Variants in PRKCA observed in about 807,000 individuals in gnomAD.
PRKCA encodes the protein protein kinase C alpha.
In PRKCA, 27 loss-of-function variants were observed where a neutral mutation model predicts 87.0. The ratio of observed to expected loss-of-function variants is 0.31; its 90% CI spans 0.23 to 0.43. PRKCA has a LOEUF of 0.43. Among genes scored for constraint, PRKCA ranks in the 20% least tolerant of loss-of-function variants. PRKCA has a pLI of 1.00. For missense variants in PRKCA, 518 were observed against 852.3 expected, an observed-to-expected ratio of 0.61 and a Z score of 4.88; for synonymous variants, 329 against 311.1, an observed-to-expected ratio of 1.06 and a Z score of -0.61.
chr17:66,734,152 C>G (rs774155153), intron 9 of PRKCA, among the ~76,000 whole-genome samples: 6 of 152,300 alleles, frequency 3.9e-5, no homozygotes, highest in Non-Finnish European at 7.4e-5. Flanking sequence ...GAAAGGGGTC[C>G]TGATCCAGAC....
At chr17:66,536,415 T>C (rs946524123) in intron 3 of PRKCA, among the ~76,000 whole-genome samples, 3 of 152,176 alleles carry the variant, frequency 2.0e-5, no homozygotes, top group African/African-American at 7.2e-5. Context: ...AAAACCCACA[T>C]GGAAAGGCTT....
intron 2 of PRKCA, among the ~76,000 whole-genome samples, chr17:66,393,520 C>T (rs1183820769): frequency 2.6e-5 from 4 of 152,170 alleles, no homozygotes; most frequent in African/African-American, 4.8e-5. Flanking sequence ...GATGGGACGG[C>T]CTGTCGTTTC....
intron 2 of PRKCA, among the ~76,000 whole-genome samples, chr17:66,310,807 C>T (rs1036066860): frequency 3.3e-5 from 5 of 152,142 alleles, no homozygotes; most frequent in Admixed American, 1.3e-4. Flanking sequence ...AAAAGGGATG[C>T]GCCGTTGTCC....
intron 3 of PRKCA, among the ~76,000 whole-genome samples, chr17:66,564,161 C>G (rs1179335901): frequency 6.6e-6 from 1 of 152,054 alleles, no homozygotes; most frequent in Non-Finnish European, 1.5e-5. Context: ...TCTGTGCAGG[C>G]TCTGCCTCCC....
chr17:66,446,269 A>T (rs1003104341), intron 2 of PRKCA, among the ~76,000 whole-genome samples: 1 of 152,042 alleles, frequency 6.6e-6, no homozygotes, highest in African/African-American at 2.4e-5. Flanking sequence ...TCACACATTC[A>T]CACTCACACT....
intron 3 of PRKCA, among the ~76,000 whole-genome samples, chr17:66,521,769 C>T (rs151089527): frequency 6.6e-6 from 1 of 152,110 alleles, no homozygotes; most frequent in African/African-American, 2.4e-5. Flanking sequence ...ATAAATGCCT[C>T]TTGGGTTTAT....
chr17:66,406,222 G>T lies in PRKCA; in HGVS notation c.206-89979G>T, dbSNP rs537019653. Among the ~76,000 whole-genome samples, 3 of 152,210 alleles carry T rather than the reference G, an allele frequency of 2.0e-5. No homozygotes were observed. In the South Asian group the frequency reaches 6.2e-4, roughly 32 times the overall value. On this transcript the variant is annotated intron_variant, in intron 2 of 16. Transcript: ENST00000413366. ...TGATTTCTTGCTCATTTTAATTACA[G>T]GTCTCCCATTAAAGAACGGGGTGGG...
intron 2 of PRKCA, among the ~76,000 whole-genome samples, chr17:66,440,766 C>T (rs911306400): frequency 3.3e-5 from 5 of 151,988 alleles, no homozygotes; most frequent in Admixed American, 6.6e-5. Context: ...TGACTCAGGC[C>T]GGGAACCCCA....
At chr17:66,338,459 G>A (rs1226657724) in intron 2 of PRKCA, among the ~76,000 whole-genome samples, 4 of 152,014 alleles carry the variant, frequency 2.6e-5, no homozygotes, top group South Asian at 2.1e-4. Flanking sequence ...AGGCTGGCAC[G>A]GGGAACATCT....
intron 2 of PRKCA, among the ~76,000 whole-genome samples, chr17:66,394,666 A>C (rs757220698): frequency 2.0e-5 from 3 of 152,150 alleles, no homozygotes; most frequent in Non-Finnish European, 4.4e-5. Context: ...CTCATCTTGA[A>C]TTGTAATCCC....
intron 13 of PRKCA, among the ~76,000 whole-genome samples, chr17:66,755,039 T>C (rs1225907151): frequency 6.6e-6 from 1 of 152,146 alleles, no homozygotes; most frequent in African/African-American, 2.4e-5. Context: ...GATAATGTTT[T>C]TCTAGACCCA....
At chr17:66,759,180 C>T (rs1045714868) in intron 13 of PRKCA, among the ~76,000 whole-genome samples, 2 of 151,598 alleles carry the variant, frequency 1.3e-5, no homozygotes, top group Non-Finnish European at 2.9e-5. Flanking sequence ...AGGTGAAACC[C>T]CATCTCTAAT....
At chr17:66,769,348 A>G (rs1177046580) in intron 13 of PRKCA, among the ~76,000 whole-genome samples, 3 of 146,422 alleles carry the variant, frequency 2.0e-5, no homozygotes, top group East Asian at 2.0e-4. Flanking sequence ...AGAGCAAGAC[A>G]CTGTCTCAAA....
chr17:66,390,847 C>T (rs1910320117), intron 2 of PRKCA, among the ~76,000 whole-genome samples: 1 of 152,164 alleles, frequency 6.6e-6, no homozygotes, highest in South Asian at 2.1e-4. Flanking sequence ...AGAGGGAGGG[C>T]GGTGCAGACT....
At chr17:66,558,219 A>G (rs1860984) in intron 3 of PRKCA, among the ~76,000 whole-genome samples, 14,335 of 152,324 alleles carry the variant, frequency 0.094, 881 homozygotes, top group African/African-American at 0.17. Context: ...GCTACGTGCT[A>G]GGTACTGTGC....
chr17:66,343,101 A>AT (rs527607622), intron 2 of PRKCA, among the ~76,000 whole-genome samples: 3,839 of 148,004 alleles, frequency 0.026, 168 homozygotes, highest in African/African-American at 0.087. Context: ...AACCTGAATA[A>AT]TTTTTTTTTT....
Position 66,702,576 on chromosome 17 carries a change from CCACA to C in PRKCA, c.918+13538_918+13541del, listed in dbSNP as rs762777777. Among the ~76,000 whole-genome samples the C allele has an allele frequency of 1.3e-4, 20 of 151,948 alleles. No individual in the cohort carries two copies. In the East Asian group the frequency reaches 2.1e-3, roughly 16 times the overall value. On this transcript the variant is annotated intron_variant, in intron 8 of 16. Coordinates refer to ENST00000413366, the MANE Select transcript of PRKCA (RefSeq NM_002737.3). ...GCTGAGTAGATCTTAAAGATTCTCA[CCACA>C]CACACACAATGGTAACTGTAAAGTG... is the stretch of plus-strand genomic sequence containing the variant.
intron 2 of PRKCA, among the ~76,000 whole-genome samples, chr17:66,419,006 A>C (rs1912341128): frequency 6.7e-6 from 1 of 149,824 alleles, no homozygotes; most frequent in Non-Finnish European, 1.5e-5. Flanking sequence ...GTGATCGCCC[A>C]CCTCAGCCTC....
At chr17:66,368,362 ATG>A (rs1458207315) in intron 2 of PRKCA, among the ~76,000 whole-genome samples, 10 of 40,110 alleles carry the variant, frequency 2.5e-4, no homozygotes, top group African/African-American at 7.0e-4. Flanking sequence ...GTGTGTGTAT[ATG>A]TATATATATA....
Sources: allele counts gnomAD v4.1 joint callset (sites outside exome capture counted in the v4.1 genomes callset), GRCh38; gene constraint gnomAD v4.1.1; transcripts MANE v1.5; gene names NCBI Gene and HGNC (gene_info 2026-07-23, HGNC 2026-07-21).